CCDC146: variants seen among roughly 807,000 people sequenced by gnomAD.
CCDC146 encodes coiled-coil domain-containing protein 146.
A neutral mutation model predicts 119.3 loss-of-function variants in CCDC146; 92 were observed. The ratio of observed to expected loss-of-function variants is 0.77; its 90% CI spans 0.65 to 0.92. CCDC146 has a LOEUF of 0.92. CCDC146 is among the 40% of genes least tolerant of loss of function. The pLI, the probability that CCDC146 is intolerant of heterozygous loss-of-function variation, is 0.00. For missense variants in CCDC146, 1,000 were observed against 1,103.0 expected, an observed-to-expected ratio of 0.91 and a Z score of 1.32; for synonymous variants, 372 against 371.8, an observed-to-expected ratio of 1.00 and a Z score of -0.01.
chr7:77,251,077 A>G (rs1470330643), intron 4 of CCDC146, among the ~76,000 whole-genome samples: 4 of 151,276 alleles, frequency 2.6e-5, no homozygotes, highest in Non-Finnish European at 5.9e-5. Flanking sequence ...GCTGGAGTAC[A>G]GTGGCACAAT....
At position 77,199,466 on chromosome 7, in the gene CCDC146, C is replaced by G. The variant is rs557439607; in HGVS notation, c.156+31642C>G. ...CTGGGTAACAACAGTCCGTTTCTGC[C>G]TGGGTCTCCGTTGTCATCAGCCTGC... On this transcript the variant is annotated intron_variant, in intron 2 of 18. Transcript: ENST00000285871. The G allele has an allele frequency of 4.3e-6, 7 of 1,614,140 alleles. No homozygotes were observed. In the South Asian group the frequency reaches 7.7e-5, roughly 18 times the overall value.
chr7:77,202,033 G>A (rs1267617242), intron 2 of CCDC146, among the ~76,000 whole-genome samples: 1 of 152,216 alleles, frequency 6.6e-6, no homozygotes, highest in Non-Finnish European at 1.5e-5. Context: ...CATTTAGTTA[G>A]TAAAGTATTT....
chr7:77,287,359 A>G, intron 16 of CCDC146, 81 bp from the exon 17 acceptor site: 1 of 1,420,882 alleles, frequency 7.0e-7, no homozygotes, highest in Non-Finnish European at 9.8e-7. Context: ...GGGTAGGGGG[A>G]GATACTGCTC....
chr7:77,171,795 T>A (rs1791426544), intron 2 of CCDC146, among the ~76,000 whole-genome samples: 2 of 152,236 alleles, frequency 1.3e-5, no homozygotes, highest in African/African-American at 4.8e-5. Context: ...AGTTTATTTG[T>A]AGCAAAAGTT....
At chr7:77,273,625 A>G (rs918456821) in intron 9 of CCDC146, 69 bp from the exon 10 acceptor site, 7 of 1,201,292 alleles carry the variant, frequency 5.8e-6, no homozygotes, top group African/African-American at 1.5e-5. Context: ...GGTTCAAGCA[A>G]TTCTCTGCCT....
chr7:77,199,824 T>C, intron 2 of CCDC146: 1 of 1,596,190 alleles, frequency 6.3e-7, no homozygotes, highest in Admixed American at 1.7e-5. Flanking sequence ...CAGCAGGGAG[T>C]GCGCAGGGCT....
At chr7:77,156,549 C>A (rs192101353) in intron 1 of CCDC146, among the ~76,000 whole-genome samples, 2 of 151,822 alleles carry the variant, frequency 1.3e-5, no homozygotes, top group Admixed American at 1.3e-4. Context: ...AATATATATA[C>A]CTACTATGTA....
chr7:77,167,171 A>G (rs985546161), intron 1 of CCDC146, among the ~76,000 whole-genome samples: 1 of 152,156 alleles, frequency 6.6e-6, no homozygotes, highest in Non-Finnish European at 1.5e-5. Flanking sequence ...CTGTTCTAAG[A>G]AGTCCAATAA....
chr7:77,279,515 A>G (rs1322080317), intron 13 of CCDC146, among the ~76,000 whole-genome samples: 1 of 152,212 alleles, frequency 6.6e-6, no homozygotes, highest in East Asian at 1.9e-4. Context: ...TTAGAAAACA[A>G]TCAAATCGTT....
chr7:77,254,386 C>G (rs1310601206), intron 4 of CCDC146, 120 bp from the exon 5 acceptor site: 14 of 599,016 alleles, frequency 2.3e-5, no homozygotes, highest in African/African-American at 5.7e-5. Context: ...AGAATGGACA[C>G]CAGGTTGCCT....
At chr7:77,245,023 TA>T (rs1455469075) in intron 4 of CCDC146, among the ~76,000 whole-genome samples, 1 of 152,328 alleles carries the variant, frequency 6.6e-6, no homozygotes, top group East Asian at 1.9e-4. Flanking sequence ...AAGAACAACT[TA>T]TTTTTCAAAT....
chr7:77,227,883 C>T (rs1449445741), intron 2 of CCDC146, among the ~76,000 whole-genome samples: 5 of 152,196 alleles, frequency 3.3e-5, no homozygotes, highest in Non-Finnish European at 5.9e-5. Context: ...ATTCTTACTA[C>T]CCAGAGCACA....
chr7:77,186,873 A>G (rs1791676254), intron 2 of CCDC146, among the ~76,000 whole-genome samples: 2 of 152,180 alleles, frequency 1.3e-5, no homozygotes, highest in Non-Finnish European at 2.9e-5. Context: ...GAGATTGGTT[A>G]TAGCTCGGTG....
At chr7:77,148,311 C>T (rs1461515317) in intron 1 of CCDC146, among the ~76,000 whole-genome samples, 3 of 152,134 alleles carry the variant, frequency 2.0e-5, no homozygotes, top group Admixed American at 6.5e-5. Flanking sequence ...CGTCTGTCAC[C>T]CCTTCCCTTG....
intron 1 of CCDC146, among the ~76,000 whole-genome samples, chr7:77,162,550 C>A (rs1791278411): frequency 6.6e-6 from 1 of 152,132 alleles, no homozygotes; most frequent in East Asian, 1.9e-4. Flanking sequence ...CTTTGTGCTA[C>A]AATTTGAAAT....
chr7:77,146,161 T>C (rs1434465075), intron 1 of CCDC146, among the ~76,000 whole-genome samples: 1 of 152,062 alleles, frequency 6.6e-6, no homozygotes, highest in African/African-American at 2.4e-5. Context: ...CCCTTTACCA[T>C]TATGTAATGG....
chr7:77,209,036 C>A (rs1204664245), intron 2 of CCDC146, among the ~76,000 whole-genome samples: 1 of 152,144 alleles, frequency 6.6e-6, no homozygotes, highest in Non-Finnish European at 1.5e-5. Flanking sequence ...CGGCCCCTCC[C>A]AAATCTCATG....
At chr7:77,191,318 T>C (rs1321557788) in intron 2 of CCDC146, among the ~76,000 whole-genome samples, 1 of 152,170 alleles carries the variant, frequency 6.6e-6, no homozygotes, top group African/African-American at 2.4e-5. Flanking sequence ...TAATTGCTTC[T>C]CACCTATGTT....
chr7:77,214,985 T>G (rs1171549655), intron 2 of CCDC146, among the ~76,000 whole-genome samples: 1 of 152,144 alleles, frequency 6.6e-6, no homozygotes, highest in Non-Finnish European at 1.5e-5. Context: ...TTAGGAATTT[T>G]AAATGACAAT....
Sources: gnomAD v4.1 joint callset for allele counts (sites outside exome capture counted in the v4.1 genomes callset) on GRCh38, gnomAD v4.1.1 for gene constraint, MANE v1.5 for transcripts, NCBI Gene and HGNC (gene_info 2026-07-23, HGNC 2026-07-21) for gene names.